The following PSD3 variants were observed in gnomAD, a reference collection of about 807,000 sequenced individuals.
PSD3 encodes pleckstrin and Sec7 domain containing 3, also known as PH and SEC7 domain-containing protein 3.
PSD3 carries 49 observed loss-of-function variants against 105.5 expected under a neutral mutation model. That is an observed-to-expected ratio of 0.46 (90% CI 0.37 to 0.59). The LOEUF (loss-of-function observed/expected upper bound fraction) is 0.59. PSD3 is among the 20% of genes least tolerant of loss of function. PSD3 has a pLI of 0.00. For synonymous variants in PSD3, 557 were observed against 457.8 expected (o/e 1.22, Z -2.77); for missense variants, 1,561 against 1,263.8 (o/e 1.24, Z -3.57).
rs74347684 is a variant in PSD3, at chr8:18,905,015, T to C, written c.130+31019A>G. Among the ~76,000 whole-genome samples the C allele has an allele frequency of 3.8e-3, 576 of 152,294 alleles. 4 individuals are homozygous for C. The highest frequency in any genetic ancestry group is 0.012 in the African/African-American group (489 of 41,564). On this transcript the variant is annotated intron_variant, in intron 2 of 15. Coordinates refer to ENST00000327040, the MANE Select transcript of PSD3 (RefSeq NM_015310.4). ...TGTATTAGGTTTTTCTTTTAAAATA[T>C]AGCAAATACATACCATATTAAATTA...
chr8:18,891,422 C>T (rs1818775204), intron 2 of PSD3, among the ~76,000 whole-genome samples: 1 of 152,034 alleles, frequency 6.6e-6, no homozygotes, highest in Non-Finnish European at 1.5e-5. Context: ...AGGATCTTTG[C>T]TACGACTACA....
chr8:18,796,788 AG>A (rs1810220908), intron 8 of PSD3, among the ~76,000 whole-genome samples: 1 of 152,210 alleles, frequency 6.6e-6, no homozygotes, highest in Non-Finnish European at 1.5e-5. Flanking sequence ...CACAACGGTA[AG>A]GAAAAAAAGA....
intron 4 of PSD3, among the ~76,000 whole-genome samples, chr8:18,814,509 T>C (rs1267152490): frequency 6.6e-6 from 1 of 152,216 alleles, no homozygotes; most frequent in East Asian, 1.9e-4. Flanking sequence ...ATTTATTTAT[T>C]TTCCTATACT....
Position 18,916,695 on chromosome 8 carries a change from C to G in PSD3, c.130+19339G>C, listed in dbSNP as rs557362598. On this transcript the variant is annotated intron_variant, in intron 2 of 15. Transcript: ENST00000327040. Reference sequence around the variant, plus strand: ...GGTGCCTATAATCAATAATGTATCACACACTTGAAAATTGCTAAAGGAGTA... The same window carrying G: ...GGTGCCTATAATCAATAATGTATCAGACACTTGAAAATTGCTAAAGGAGTA... Among the ~76,000 whole-genome samples the G allele has an allele frequency of 5.3e-4, 80 of 152,018 alleles. 2 individuals are homozygous for G. In the South Asian group the frequency reaches 0.016, roughly 30 times the overall value.
intron 9 of PSD3, among the ~76,000 whole-genome samples, chr8:18,671,862 A>C (rs775711091): frequency 6.6e-6 from 1 of 151,946 alleles, no homozygotes; most frequent in Non-Finnish European, 1.5e-5. Context: ...CGATCTCCTG[A>C]CCTTGTTATC....
chr8:18,585,567 C>T (rs1332838684), intron 12 of PSD3, among the ~76,000 whole-genome samples: 1 of 152,120 alleles, frequency 6.6e-6, no homozygotes, highest in Non-Finnish European at 1.5e-5. Context: ...ATCTACCCAC[C>T]TCAGCCTCCC....
chr8:18,771,563 T>C (rs1585914311), intron 8 of PSD3, among the ~76,000 whole-genome samples: 1 of 152,238 alleles, frequency 6.6e-6, no homozygotes, highest in Non-Finnish European at 1.5e-5. Context: ...TACATGTGGA[T>C]ATTCAGTTGT....
At chr8:18,654,910 T>C (rs1808778534) in intron 10 of PSD3, among the ~76,000 whole-genome samples, 4 of 152,146 alleles carry the variant, frequency 2.6e-5, no homozygotes, top group Non-Finnish European at 1.5e-5. Flanking sequence ...AAAGCCATGA[T>C]CTATGATGAT....
In PSD3 at chr8:18,557,035, G is replaced by C. The variant is rs10092427; in HGVS notation, c.2785-683C>G. ...AGGTACCGTGTACCAATGCAATATGGTTGATCCTACATCAAAGGATTTCCA... is the reference window on the plus strand; with the variant it reads ...AGGTACCGTGTACCAATGCAATATGCTTGATCCTACATCAAAGGATTTCCA... On this transcript the variant is annotated intron_variant, in intron 14 of 15. Transcript: ENST00000327040. 3.4e-3 allele frequency among the ~76,000 whole-genome samples: 522 copies of C among 152,262 alleles called. 5 individuals are homozygous for C. Among genetic ancestry groups the C allele is most frequent in the African/African-American group, 0.012 (492 of 41,544 alleles).
chr8:18,627,900 A>G (rs1476256295), intron 11 of PSD3, among the ~76,000 whole-genome samples: 1 of 151,988 alleles, frequency 6.6e-6, no homozygotes, highest in East Asian at 1.9e-4. Context: ...AAAGAGAAGA[A>G]CCTTAAAAAA....
At chr8:18,603,144 C>T (rs1345124039) in intron 11 of PSD3, among the ~76,000 whole-genome samples, 1 of 152,214 alleles carries the variant, frequency 6.6e-6, no homozygotes, top group East Asian at 1.9e-4. Context: ...CACCATTTTA[C>T]ATGTGAGCCC....
intron 2 of PSD3, among the ~76,000 whole-genome samples, chr8:18,932,839 T>G (rs1047617596): frequency 2.7e-4 from 41 of 152,336 alleles, no homozygotes; most frequent in African/African-American, 9.4e-4. Context: ...ATACCATTTC[T>G]GCAATTTGAA....
At chr8:18,970,442 A>G (rs1824578173) in intron 1 of PSD3, among the ~76,000 whole-genome samples, 1 of 151,990 alleles carries the variant, frequency 6.6e-6, no homozygotes, top group African/African-American at 2.4e-5. Context: ...CAATTCGATG[A>G]ATTCCCTAAA....
At chr8:18,624,017 A>T (rs1806309237) in intron 11 of PSD3, among the ~76,000 whole-genome samples, 1 of 152,138 alleles carries the variant, frequency 6.6e-6, no homozygotes, top group African/African-American at 2.4e-5. Context: ...GATATACAAA[A>T]TCCATTCAAT....
intron 11 of PSD3, among the ~76,000 whole-genome samples, chr8:18,605,449 G>C (rs1023398154): frequency 2.0e-5 from 3 of 152,032 alleles, no homozygotes; most frequent in South Asian, 4.2e-4. Context: ...TGTATCTTGG[G>C]AGTAACTAAC....
chr8:19,083,321 G>A (rs766200699), intron 1 of PSD3, among the ~76,000 whole-genome samples: 9 of 152,200 alleles, frequency 5.9e-5, no homozygotes, highest in Non-Finnish European at 8.8e-5. Flanking sequence ...TGGGTGGAGA[G>A]GGTGGGCTGC....
chr8:18,602,112 C>T (rs964423196), intron 11 of PSD3, among the ~76,000 whole-genome samples: 3 of 152,150 alleles, frequency 2.0e-5, no homozygotes, highest in African/African-American at 7.2e-5. Context: ...TTGTTTTTAA[C>T]AGAAGAGCCA....
chr8:18,879,081 C>T (rs533666897), intron 2 of PSD3, among the ~76,000 whole-genome samples: 1 of 145,534 alleles, frequency 6.9e-6, no homozygotes, highest in African/African-American at 2.6e-5. Context: ...CACACACACA[C>T]ACACACGCAC....
intron 9 of PSD3, among the ~76,000 whole-genome samples, chr8:18,664,411 C>T (rs1809567410): frequency 6.6e-6 from 1 of 152,194 alleles, no homozygotes; most frequent in Non-Finnish European, 1.5e-5. Context: ...CCCTTAAGGC[C>T]AAAGCCTAAT....
Sources: allele counts gnomAD v4.1 joint callset (sites outside exome capture counted in the v4.1 genomes callset), GRCh38; gene constraint gnomAD v4.1.1; transcripts MANE v1.5; gene names NCBI Gene and HGNC (gene_info 2026-07-23, HGNC 2026-07-21).